SPATA2L: variants seen among roughly 807,000 people sequenced by gnomAD.
SPATA2L encodes the protein spermatogenesis-associated protein 2-like protein.
SPATA2L carries 5 observed loss-of-function variants against 8.7 expected under a neutral mutation model. The observed-to-expected ratio is 0.57, with a 90% CI of 0.30 to 1.21. The LOEUF (loss-of-function observed/expected upper bound fraction) is 1.21. SPATA2L is among the 50% of genes most tolerant of loss of function. The pLI, the probability that SPATA2L is intolerant of heterozygous loss-of-function variation, is 0.07. For missense variants in SPATA2L, 671 were observed against 591.0 expected (o/e 1.14, Z -1.40); for synonymous variants, 358 against 275.8 (o/e 1.30, Z -2.95).
At position 89,696,524 on chromosome 16, in the gene SPATA2L, A is replaced by G. The variant is rs1344394388; in HGVS notation, c.*810T>C. The G allele has an allele frequency of 9.4e-6, 4 of 426,748 alleles. No individual in the cohort carries two copies. In the Admixed American group the frequency reaches 1.2e-4, roughly 13 times the overall value. The allele number at this position is 426,748 out of a possible 1,614,324, so 26.4% of individuals were successfully genotyped here. Reference sequence around the variant, plus strand: ...GATGCACCCTGCCCTCTCCCTCGCCAGACCCGAGGGTAGGGCAGAGGCACC... The same window carrying G: ...GATGCACCCTGCCCTCTCCCTCGCCGGACCCGAGGGTAGGGCAGAGGCACC... On this transcript the variant is annotated 3_prime_UTR_variant, in exon 3 of 3. Coordinates refer to ENST00000289805, the MANE Select transcript of SPATA2L (RefSeq NM_152339.4).
rs774538265 is a variant in SPATA2L, at chr16:89,697,304, C to T, written c.*30G>A. On this transcript the variant is annotated 3_prime_UTR_variant, in exon 3 of 3. Coordinates refer to ENST00000289805, the MANE Select transcript of SPATA2L (RefSeq NM_152339.4). ...GAGAAGCACCACGGGAGCTGTCTCC[C>T]AAGAGCCCTTGACCTGGGGCCCAGC... 8.8e-6 allele frequency: 13 copies of T among 1,484,992 alleles called. No individual in the cohort carries two copies. In the East Asian group the frequency reaches 1.4e-4, roughly 16 times the overall value. 92.0% of individuals were successfully genotyped at this position (1,484,992 alleles called of 1,614,324 possible).
chr16:89,698,362 G>C (rs1467044154), intron 2 of SPATA2L, 57 bp from the exon 3 acceptor site: 1 of 1,504,030 alleles, frequency 6.6e-7, no homozygotes, highest in African/African-American at 1.4e-5. Flanking sequence ...CAGACCCTAG[G>C]GTACAGTGGG....
rs781104384 is a variant in SPATA2L at position 89,697,341 on chromosome 16, C to G, written c.1268G>C (p.Arg423Pro). The change falls in exon 3 of 3, where the codon CGG becomes CCG. Residue 423 changes from arginine (R) to proline (P), a missense_variant. By Grantham distance (103) the Arg-to-Pro change is moderately radical. Coordinates refer to ENST00000289805, the MANE Select transcript of SPATA2L (RefSeq NM_152339.4). Reference protein sequence around the residue: ...DTLLYNSPGARP With the variant: ...DTLLYNSPGAPP ...ACCTGGGGCCCAGCTGGCCTAGGGC[C>G]GGGCCCCGGGGCTGTTGTAGAGCAG... 1.3e-6 allele frequency: 2 copies of G among 1,512,206 alleles called. No individual in the cohort carries two copies. The highest frequency in any genetic ancestry group is 1.8e-6 in the Non-Finnish European group (2 of 1,130,442). 93.7% of individuals were successfully genotyped at this position (1,512,206 alleles called of 1,614,324 possible).
At position 89,697,713 on chromosome 16, in the gene SPATA2L, CCCT is replaced by C. The variant is rs2060743512; in HGVS notation, c.893_895del (p.Glu298del). On this transcript the variant is annotated inframe_deletion, in exon 3 of 3. Coordinates refer to ENST00000289805, the MANE Select transcript of SPATA2L (RefSeq NM_152339.4). The stretch of plus-strand genomic sequence containing the variant: ...GAAGGCGGAAGGTTCAGGTTCCAGC[CCCT>C]CCTCCAAGGCCCCATATGGTGGGCT... 2 of 1,611,618 alleles carry C rather than the reference CCCT, an allele frequency of 1.2e-6. No homozygotes were observed. Among genetic ancestry groups the C allele is most frequent in the Non-Finnish European group, 1.7e-6 (2 of 1,179,306 alleles).
intron 2 of SPATA2L, among the ~76,000 whole-genome samples, chr16:89,700,604 C>G (rs2151611911): frequency 6.6e-6 from 1 of 152,356 alleles, no homozygotes; most frequent in Non-Finnish European, 1.5e-5. Flanking sequence ...ACCATGGGAA[C>G]TCAAGTCCCT....
chr16:89,696,920 A>G lies in SPATA2L; in HGVS notation c.*414T>C. The stretch of plus-strand genomic sequence containing the variant: ...CAGGCCCTTGAGGACACTCGTGTGG[A>G]GAATCCCTGGGACACGTGGAGGACC... On this transcript the variant is annotated 3_prime_UTR_variant, in exon 3 of 3. Transcript: ENST00000289805. 2.6e-6 allele frequency: 4 copies of G among 1,524,904 alleles called. No individual in the cohort carries two copies. Among genetic ancestry groups the G allele is most frequent in the Non-Finnish European group, 3.5e-6 (4 of 1,139,098 alleles). 94.5% of individuals were successfully genotyped at this position (1,524,904 alleles called of 1,614,324 possible).
In SPATA2L at chr16:89,701,131, C is replaced by G. The variant is rs2060773311; in HGVS notation, c.102G>C (p.Val34=). 6.5e-7 allele frequency: 1 copy of G among 1,533,690 alleles called. No individual in the cohort carries two copies. Among genetic ancestry groups the G allele is most frequent in the Non-Finnish European group, 8.7e-7 (1 of 1,146,404 alleles). The change falls in exon 2 of 3, where the codon GTG becomes GTC. Residue 34 remains valine (V), a synonymous_variant. Transcript: ENST00000289805. ...GVCGDPSLRA[V]LWQILVEDFD... is the part of the protein sequence containing the mutation. ...AGTCCTCCACCAGGATCTGCCAGAGCACCGCGCGCAGCGAGGGGTCCCCGC... is the reference window on the plus strand; with the variant it reads ...AGTCCTCCACCAGGATCTGCCAGAGGACCGCGCGCAGCGAGGGGTCCCCGC...
At position 89,701,088 on chromosome 16, in the gene SPATA2L, G is replaced by A. The variant is rs1204032425; in HGVS notation, c.145C>T (p.Leu49=). The change falls in exon 2 of 3, where the codon CTG becomes TTG. Residue 49 remains leucine, a synonymous_variant. Coordinates refer to ENST00000289805, the MANE Select transcript of SPATA2L (RefSeq NM_152339.4). ...LVEDFDLHGA[L]QDDALALLTD... ...AGCAGAGCCAGCGCGTCGTCCTGCA[G>A]CGCCCCGTGCAGGTCGAAGTCCTCC... 1.3e-6 allele frequency: 2 copies of A among 1,568,762 alleles called. No individual in the cohort carries two copies. Among genetic ancestry groups the A allele is most frequent in the Non-Finnish European group, 1.7e-6 (2 of 1,162,872 alleles).
At position 89,698,084 on chromosome 16, in the gene SPATA2L, A is replaced by G. The variant is rs776499159; in HGVS notation, c.525T>C (p.Ser175=). The change falls in exon 3 of 3, where the codon AGT becomes AGC. Residue 175 remains serine (S), a synonymous_variant. Transcript: ENST00000289805. ...LGEVLAQLGT[S]VLPAEELLQA... Reference sequence around the variant, plus strand: ...GCAGCAGCTCCTCAGCTGGCAGCACACTGGTGCCCAGCTGGGCCAGCACCT... The same window carrying G: ...GCAGCAGCTCCTCAGCTGGCAGCACGCTGGTGCCCAGCTGGGCCAGCACCT... The G allele has an allele frequency of 3.7e-6, 6 of 1,600,054 alleles. No homozygotes were observed. The Admixed American group carries it at 1.0e-4, about 27-fold the overall frequency.
chr16:89,698,187 G>A lies in SPATA2L; in HGVS notation c.422C>T (p.Ala141Val). 3.1e-6 allele frequency: 5 copies of A among 1,612,980 alleles called. No homozygotes were observed. Among genetic ancestry groups the A allele is most frequent in the Non-Finnish European group, 4.2e-6 (5 of 1,179,926 alleles). The part of the protein sequence containing the change: ...RRDSHRLMVT[A>V]LPPACQLVQV... The stretch of plus-strand genomic sequence containing the variant: ...CACCAGCTGGCAGGCGGGGGGCAGG[G>A]CGGTCACCATGAGCCGATGGCTGTC... The change falls in exon 3 of 3, where the codon GCC becomes GTC. Residue 141 changes from alanine to valine, a missense_variant. Coordinates refer to ENST00000289805, the MANE Select transcript of SPATA2L (RefSeq NM_152339.4).
rs767669898 is a variant in SPATA2L, at chr16:89,697,598, C to A, written c.1011G>T (p.Arg337=). 17 of 1,602,002 alleles carry A rather than the reference C, an allele frequency of 1.1e-5. No individual in the cohort carries two copies. In the South Asian group the frequency reaches 1.7e-4, roughly 16 times the overall value. ...SSAAASPRRI[R]AEGVPASAYR... ...AGGCTGAGGCTGGTACCCCCTCTGCCCGAATACGCCTCGGGCTGGCCGCTG... is the reference window on the plus strand; with the variant it reads ...AGGCTGAGGCTGGTACCCCCTCTGCACGAATACGCCTCGGGCTGGCCGCTG... Residue 337 remains arginine (R), a synonymous_variant, in exon 3 of 3, where the codon CGG becomes CGT. Transcript: ENST00000289805.
In SPATA2L at chr16:89,696,742, T is replaced by C; in HGVS notation, c.*592A>G. 6.6e-7 allele frequency: 1 copy of C among 1,505,188 alleles called. No individual in the cohort carries two copies. Among genetic ancestry groups the C allele is most frequent in the Non-Finnish European group, 8.9e-7 (1 of 1,122,020 alleles). The allele number at this position is 1,505,188 out of a possible 1,614,324, so 93.2% of individuals were successfully genotyped here. ...CCTCTCGTGCACCTCCACATCTGGT[T>C]TGAGGTCAGGTCATTTCCTGTCTGT... On this transcript the variant is annotated 3_prime_UTR_variant, in exon 3 of 3. Transcript: ENST00000289805.
In SPATA2L at chr16:89,696,721, T is replaced by C; in HGVS notation, c.*613A>G. ...CAGCCACTGCCCGTTCCTGCGCCTC[T>C]CGTGCACCTCCACATCTGGTTTGAG... is the stretch of plus-strand genomic sequence containing the variant. On this transcript the variant is annotated 3_prime_UTR_variant, in exon 3 of 3. Coordinates refer to ENST00000289805, the MANE Select transcript of SPATA2L (RefSeq NM_152339.4). 7.0e-7 allele frequency: 1 copy of C among 1,436,550 alleles called. No homozygotes were observed. Among genetic ancestry groups the C allele is most frequent in the Non-Finnish European group, 9.4e-7 (1 of 1,064,964 alleles). 89.0% of individuals were successfully genotyped at this position (1,436,550 alleles called of 1,614,324 possible).
In SPATA2L at chr16:89,696,536, A is replaced by C; in HGVS notation, c.*798T>G. ...CCTCTCCCTCGCCAGACCCGAGGGT[A>C]GGGCAGAGGCACCTCCTCGCCAGCC... On this transcript the variant is annotated 3_prime_UTR_variant, in exon 3 of 3. Transcript: ENST00000289805. 3 of 427,344 alleles carry C rather than the reference A, an allele frequency of 7.0e-6. No individual in the cohort carries two copies. Among genetic ancestry groups the C allele is most frequent in the Non-Finnish European group, 8.4e-6 (2 of 238,258 alleles). The allele number at this position is 427,344 out of a possible 1,614,324, so 26.5% of individuals were successfully genotyped here. A position where few individuals can be genotyped will look rare whatever the true frequency, so the allele number is the denominator to read the frequency against.
chr16:89,697,338 G>T lies in SPATA2L; in HGVS notation c.1271C>A (p.Pro424His). ...TLLYNSPGAR[P>H] is the part of the protein sequence containing the mutation. ...TTGACCTGGGGCCCAGCTGGCCTAG[G>T]GCCGGGCCCCGGGGCTGTTGTAGAG... Residue 424 changes from proline (P) to histidine (H), a missense_variant, in exon 3 of 3, where the codon CCC (proline) becomes CAC (histidine). Coordinates refer to ENST00000289805, the MANE Select transcript of SPATA2L (RefSeq NM_152339.4). The T allele has an allele frequency of 6.6e-7, 1 of 1,508,600 alleles. No individual in the cohort carries two copies. The highest frequency in any genetic ancestry group is 8.9e-7 in the Non-Finnish European group (1 of 1,128,618). 93.5% of individuals were successfully genotyped at this position (1,508,600 alleles called of 1,614,324 possible). A position where few individuals can be genotyped will look rare whatever the true frequency, so the allele number is the denominator to read the frequency against.
Position 89,696,818 on chromosome 16 carries a change from G to C in SPATA2L, c.*516C>G. ...GGGAGGGCCGGCGTCCCCGAAGCCA[G>C]GTCAGCCGTGCACCCGGCAGAGCCC... On this transcript the variant is annotated 3_prime_UTR_variant, in exon 3 of 3. Coordinates refer to ENST00000289805, the MANE Select transcript of SPATA2L (RefSeq NM_152339.4). 3 of 1,534,892 alleles carry C rather than the reference G, an allele frequency of 2.0e-6. No individual in the cohort carries two copies. Among genetic ancestry groups the C allele is most frequent in the Non-Finnish European group, 2.6e-6 (3 of 1,146,208 alleles).
chr16:89,700,492 C>T (rs2060768910), intron 2 of SPATA2L, among the ~76,000 whole-genome samples: 1 of 152,224 alleles, frequency 6.6e-6, no homozygotes, highest in African/African-American at 2.4e-5. Flanking sequence ...GGTCTGAGCC[C>T]AGCCCTGAGA....
At chr16:89,698,371 G>A (rs1358815183) in intron 2 of SPATA2L, 66 bp from the exon 3 acceptor site, 25 of 1,494,384 alleles carry the variant, frequency 1.7e-5, no homozygotes, top group Non-Finnish European at 2.1e-5. Flanking sequence ...GGGTACAGTG[G>A]GTCCGGGATC....
chr16:89,697,552 G>T lies in SPATA2L; in HGVS notation c.1057C>A (p.Pro353Thr). ...ASAYRSVSEP[P>T]GYQAHSCLSP... ...AGGCAGCTGTGTGCCTGGTAGCCTGGGGGCTCCGAGACAGACCTATAGGCT... is the reference window on the plus strand; with the variant it reads ...AGGCAGCTGTGTGCCTGGTAGCCTGTGGGCTCCGAGACAGACCTATAGGCT... Residue 353 changes from proline (P) to threonine (T), a missense_variant, in exon 3 of 3, where the codon CCA becomes ACA. Pro to Thr is a conservative substitution (Grantham distance 38). Transcript: ENST00000289805. 1.3e-6 allele frequency: 2 copies of T among 1,590,494 alleles called. No individual in the cohort carries two copies. The highest frequency in any genetic ancestry group is 1.7e-6 in the Non-Finnish European group (2 of 1,169,196).
Sources: gnomAD v4.1 joint callset for allele counts (sites outside exome capture counted in the v4.1 genomes callset) on GRCh38, gnomAD v4.1.1 for gene constraint, MANE v1.5 for transcripts, NCBI Gene and HGNC (gene_info 2026-07-23, HGNC 2026-07-21) for gene names.